CAST: variants seen among roughly 807,000 people sequenced by gnomAD.
CAST encodes MIR583 host.
In CAST, 76 loss-of-function variants were observed where a neutral mutation model predicts 119.6. That is an observed-to-expected ratio of 0.64 (90% CI 0.53 to 0.77). CAST has a LOEUF of 0.77. CAST is among the 30% of genes least tolerant of loss of function. The probability of loss-of-function intolerance (pLI) is 0.00; values close to 1 mark genes in which losing one functional copy is unlikely to be tolerated. For synonymous variants in CAST, 319 were observed against 331.6 expected (o/e 0.96, Z 0.41); for missense variants, 953 against 946.5 (o/e 1.01, Z -0.09).
At chr5:96,308,566 G>A in the CAST span, among the ~76,000 whole-genome samples, 1 of 152,088 alleles carries the variant, frequency 6.6e-6, no homozygotes, top group East Asian at 1.9e-4. Context: ...GCCTTTTTGC[G>A]CTGGTTTCTC....
At chr5:96,112,443 C>T in the CAST span, among the ~76,000 whole-genome samples, 1 of 152,156 alleles carries the variant, frequency 6.6e-6, no homozygotes, top group Non-Finnish European at 1.5e-5. Context: ...ACTCCCATAT[C>T]CTCCACTAGG....
chr5:96,434,027 T>C, the CAST span: 1 of 152,190 alleles, frequency 6.6e-6, no homozygotes, highest in African/African-American at 2.4e-5. Flanking sequence ...CAAAAGCTGT[T>C]GTGTTGATTC....
upstream of CAST, among the ~76,000 whole-genome samples, chr5:96,528,208 G>C (rs188831168): frequency 7.2e-5 from 11 of 152,276 alleles, no homozygotes; most frequent in East Asian, 2.1e-3. Context: ...AATCTAGGTG[G>C]TCTGACTTCA....
chr5:96,685,742 A>C (rs986603149), intron 2 of CAST, among the ~76,000 whole-genome samples: 1 of 152,194 alleles, frequency 6.6e-6, no homozygotes, highest in African/African-American at 2.4e-5. Context: ...TGGGGATGGT[A>C]TGAGAAATTC....
At position 96,569,752 on chromosome 5, in the gene CAST, T is replaced by C. The variant is rs1264054638; in HGVS notation, c.60+39872T>C. On this transcript the variant is annotated intron_variant, in intron 1 of 11. Coordinates refer to the CAST transcript ENST00000505143. ...AGCGACAACACGATCACTGATCCAG[T>C]ACAATATCTTATGGTGCCTAGAAAA... Among the ~76,000 whole-genome samples, 55 of 152,248 alleles carry C rather than the reference T, an allele frequency of 3.6e-4. 2 individuals carry two copies. The highest frequency in any genetic ancestry group is 3.6e-3 in the Admixed American group (55 of 15,280).
chr5:96,170,049 G>A, the CAST span, among the ~76,000 whole-genome samples: 1 of 152,164 alleles, frequency 6.6e-6, no homozygotes, highest in Non-Finnish European at 1.5e-5. Context: ...CCTCTGTATT[G>A]ATTAAGAAGG....
At chr5:96,065,073 T>C in the CAST span, among the ~76,000 whole-genome samples, 3 of 152,180 alleles carry the variant, frequency 2.0e-5, no homozygotes, top group Admixed American at 6.6e-5. Context: ...CTGTTACCAA[T>C]AGTTCCTAGT....
the CAST span, among the ~76,000 whole-genome samples, chr5:96,287,283 A>G: frequency 6.6e-6 from 1 of 152,156 alleles, no homozygotes; most frequent in Admixed American, 6.6e-5. Flanking sequence ...AACTTCTCTC[A>G]ACCCTTACTT....
the CAST span, among the ~76,000 whole-genome samples, chr5:96,184,577 C>A: frequency 6.6e-6 from 1 of 150,908 alleles, no homozygotes; most frequent in East Asian, 1.9e-4. Context: ...CATCATTCAG[C>A]TCCTACTTAT....
chr5:96,448,451 C>T, the CAST span, among the ~76,000 whole-genome samples: 1 of 152,186 alleles, frequency 6.6e-6, no homozygotes, highest in East Asian at 1.9e-4. Context: ...AAATGTATAT[C>T]GCGCTTTTAT....
At chr5:96,516,677 G>A in the CAST span, among the ~76,000 whole-genome samples, 4 of 152,204 alleles carry the variant, frequency 2.6e-5, no homozygotes, top group Admixed American at 2.0e-4. Flanking sequence ...AAATGCTGGG[G>A]AACAATGAAG....
chr5:96,347,566 C>T, the CAST span, among the ~76,000 whole-genome samples: 2 of 152,094 alleles, frequency 1.3e-5, no homozygotes, highest in African/African-American at 4.8e-5. Context: ...CTGGCGGGTC[C>T]TCAGTTATTA....
chr5:96,401,395 A>G, the CAST span, among the ~76,000 whole-genome samples: 6 of 152,178 alleles, frequency 3.9e-5, no homozygotes, highest in African/African-American at 1.4e-4. Context: ...GGCAGGGGAG[A>G]GGCAGTGAGG....
At chr5:96,679,063 G>C (rs1751029997) in intron 2 of CAST, among the ~76,000 whole-genome samples, 2 of 151,956 alleles carry the variant, frequency 1.3e-5, no homozygotes, top group Admixed American at 1.3e-4. Flanking sequence ...GCAGTAGTGT[G>C]ATCATGGCTC....
At chr5:96,511,896 C>T in the CAST span, among the ~76,000 whole-genome samples, 1 of 152,222 alleles carries the variant, frequency 6.6e-6, no homozygotes, top group African/African-American at 2.4e-5. Flanking sequence ...CATCCAACCT[C>T]TTGCTCTTGT....
chr5:96,321,433 T>G, the CAST span, among the ~76,000 whole-genome samples: 2 of 152,214 alleles, frequency 1.3e-5, no homozygotes, highest in Non-Finnish European at 2.9e-5. Context: ...TCTGACACAT[T>G]AATACTGCTG....
At position 96,748,062 on chromosome 5, in the gene CAST, C is replaced by T. The variant is rs1764159126; in HGVS notation, c.1333-456C>T. Among the ~76,000 whole-genome samples, 3 of 152,202 alleles carry T rather than the reference C, an allele frequency of 2.0e-5. 1 individual carries two copies. Among genetic ancestry groups the T allele is most frequent in the Admixed American group, 2.0e-4 (3 of 15,288 alleles). On this transcript the variant is annotated intron_variant, in intron 18 of 31. Coordinates refer to ENST00000675179, the MANE Select transcript of CAST (RefSeq NM_001750.7). ...CCACATGCCCTAAACTAATACCACT[C>T]TCCTGAAAGAACAAGGGGTAGCAGA... is the stretch of plus-strand genomic sequence containing the variant.
chr5:96,477,106 ACACAC>A, the CAST span, among the ~76,000 whole-genome samples: 1 of 141,820 alleles, frequency 7.1e-6, no homozygotes, highest in Non-Finnish European at 1.5e-5. Context: ...ACACACACAC[ACACAC>A]AAATTATCAC....
intron 1 of CAST, among the ~76,000 whole-genome samples, chr5:96,530,276 TGAGAAGCCATGCAAATA>T: frequency 6.6e-6 from 1 of 151,802 alleles, no homozygotes; most frequent in South Asian, 2.1e-4. Context: ...ATAGGAAGGA[TGAGAAGCCATGCAAATA>T]GAGAAGAAAA....
Sources: allele counts gnomAD v4.1 joint callset (sites outside exome capture counted in the v4.1 genomes callset), GRCh38; gene constraint gnomAD v4.1.1; transcripts MANE v1.5; gene names NCBI Gene and HGNC (gene_info 2026-07-23, HGNC 2026-07-21).